The following IGSF5 variants were observed in gnomAD, a reference collection of about 807,000 sequenced individuals.
IGSF5 encodes immunoglobulin superfamily member 5.
IGSF5 carries 41 observed loss-of-function variants against 39.4 expected under a neutral mutation model. That is an observed-to-expected ratio of 1.04 (90% CI 0.81 to 1.35). IGSF5 has a LOEUF of 1.35. Ranked by LOEUF, IGSF5 falls within the 40% of genes most tolerant of loss-of-function variation. The pLI is 0.00. For missense variants in IGSF5, 487 were observed against 494.6 expected (o/e 0.98, Z 0.15); for synonymous variants, 183 against 175.3 (o/e 1.04, Z -0.34).
chr21:39,720,232 A>G, the IGSF5 span, among the ~76,000 whole-genome samples: 1 of 152,318 alleles, frequency 6.6e-6, no homozygotes, highest in East Asian at 1.9e-4. Context: ...AATAGGGTTC[A>G]CACTTCTATG....
At chr21:39,768,735 C>A (rs1028390700) in intron 3 of IGSF5, among the ~76,000 whole-genome samples, 1 of 152,234 alleles carries the variant, frequency 6.6e-6, no homozygotes, top group African/African-American at 2.4e-5. Context: ...TTTCTCCACT[C>A]CTTGTTGCAT....
At position 39,779,167 on chromosome 21, in the gene IGSF5, A is replaced by G; in HGVS notation, c.796A>G (p.Lys266Glu). The G allele has an allele frequency of 6.2e-7, 1 of 1,614,110 alleles. No homozygotes were observed. The highest frequency in any genetic ancestry group is 2.2e-5 in the East Asian group (1 of 44,880). ...SLGFSLPTWG[K>E]VGLGLAGTML... is the part of the protein sequence containing the mutation. ...AGGTTTTTCATTGCCTACTTGGGGC[A>G]AAGTTGGACTTGGACTAGCAGGCAC... Residue 266 changes from lysine (K) to glutamate (E), a missense_variant, in exon 5 of 9, where the codon AAA (lysine) becomes GAA (glutamate). By Grantham distance (56) the Lys-to-Glu change is moderately conservative (BLOSUM62 1). Coordinates refer to ENST00000380588, the MANE Select transcript of IGSF5 (RefSeq NM_001080444.2).
the IGSF5 span, among the ~76,000 whole-genome samples, chr21:39,717,093 A>T: frequency 1.8e-4 from 28 of 152,254 alleles, no homozygotes; most frequent in African/African-American, 6.0e-4. Flanking sequence ...TATTTCTCTC[A>T]TGATCAGTGA....
At chr21:39,795,024 T>G (rs1351199002) in intron 8 of IGSF5, among the ~76,000 whole-genome samples, 1 of 152,072 alleles carries the variant, frequency 6.6e-6, no homozygotes, top group African/African-American at 2.4e-5. Flanking sequence ...TTAATATTAG[T>G]GTCAACACAG....
At chr21:39,752,937 C>T (rs1365339138) in intron 2 of IGSF5, among the ~76,000 whole-genome samples, 1 of 152,094 alleles carries the variant, frequency 6.6e-6, no homozygotes, top group Non-Finnish European at 1.5e-5. Context: ...ATATTTCCCC[C>T]CACTCTGTGG....
chr21:39,743,322 G>A (rs2146266510), upstream of IGSF5, among the ~76,000 whole-genome samples: 1 of 152,326 alleles, frequency 6.6e-6, no homozygotes, highest in South Asian at 2.1e-4. Context: ...TTTGGGGTTA[G>A]TGTCTGATTT....
At chr21:39,784,617 C>A (rs1478388608) in intron 5 of IGSF5, among the ~76,000 whole-genome samples, 1 of 150,014 alleles carries the variant, frequency 6.7e-6, no homozygotes, top group Non-Finnish European at 1.5e-5. Flanking sequence ...CCCACCCCTG[C>A]CCACCCCATT....
chr21:39,753,148 T>C (rs1040794937), intron 2 of IGSF5, among the ~76,000 whole-genome samples: 4 of 152,158 alleles, frequency 2.6e-5, no homozygotes, highest in African/African-American at 9.6e-5. Flanking sequence ...GTCTTTCATC[T>C]ATCTTGAGTT....
At chr21:39,799,202 T>A (rs543006451) in intron 8 of IGSF5, among the ~76,000 whole-genome samples, 10 of 152,318 alleles carry the variant, frequency 6.6e-5, no homozygotes, top group Admixed American at 3.3e-4. Context: ...GATGGGGCAG[T>A]CCTTGTTCTT....
At chr21:39,752,457 T>C (rs1489274121) in intron 2 of IGSF5, among the ~76,000 whole-genome samples, 4 of 152,250 alleles carry the variant, frequency 2.6e-5, no homozygotes, top group Non-Finnish European at 2.9e-5. Flanking sequence ...GCAATTGCAA[T>C]TGTGCTGCTA....
the IGSF5 span, among the ~76,000 whole-genome samples, chr21:39,734,132 T>C: frequency 2.6e-5 from 4 of 152,022 alleles, no homozygotes; most frequent in Non-Finnish European, 5.9e-5. Flanking sequence ...CAATACAAAG[T>C]TAAAAATGAT....
intron 2 of IGSF5, among the ~76,000 whole-genome samples, chr21:39,759,173 C>A (rs2080048102): frequency 6.6e-6 from 1 of 152,190 alleles, no homozygotes. Flanking sequence ...AAAATGGAAT[C>A]AAATAGAATG....
the IGSF5 span, among the ~76,000 whole-genome samples, chr21:39,739,037 C>T: frequency 2.6e-5 from 4 of 151,960 alleles, no homozygotes; most frequent in Non-Finnish European, 4.4e-5. Context: ...TACAGGAGCC[C>T]GCCACCACGC....
intron 6 of IGSF5, among the ~76,000 whole-genome samples, chr21:39,789,377 T>G (rs2086947169): frequency 6.6e-6 from 1 of 152,148 alleles, no homozygotes; most frequent in African/African-American, 2.4e-5. Context: ...GTTGCATGCT[T>G]TGTAGAATTT....
At chr21:39,771,493 A>G (rs2080114806) in intron 4 of IGSF5, among the ~76,000 whole-genome samples, 1 of 152,132 alleles carries the variant, frequency 6.6e-6, no homozygotes, top group Non-Finnish European at 1.5e-5. Context: ...AAGTTTGGAG[A>G]CAAATGCTTG....
the IGSF5 span, among the ~76,000 whole-genome samples, chr21:39,718,287 C>A: frequency 6.6e-6 from 1 of 152,150 alleles, no homozygotes. Context: ...ACCATGTCAT[C>A]TACAAAAAGA....
At chr21:39,759,730 G>C (rs144785419) in intron 2 of IGSF5, among the ~76,000 whole-genome samples, 145 of 152,084 alleles carry the variant, frequency 9.5e-4, no homozygotes, top group African/African-American at 3.3e-3. Flanking sequence ...AGCAGGGTGT[G>C]GTGGCACGCA....
chr21:39,748,488 A>G (rs1215034223), intron 2 of IGSF5, among the ~76,000 whole-genome samples: 1 of 151,464 alleles, frequency 6.6e-6, no homozygotes, highest in Non-Finnish European at 1.5e-5. Flanking sequence ...TTTTTGTGTT[A>G]TTAGTAGAGA....
intron 2 of IGSF5, among the ~76,000 whole-genome samples, chr21:39,760,450 A>G (rs961089710): frequency 6.6e-6 from 1 of 152,218 alleles, no homozygotes; most frequent in Non-Finnish European, 1.5e-5. Flanking sequence ...CGGTCACTGC[A>G]CATGTGAGAG....
Sources: gnomAD v4.1 joint callset for allele counts (sites outside exome capture counted in the v4.1 genomes callset) on GRCh38, gnomAD v4.1.1 for gene constraint, MANE v1.5 for transcripts, NCBI Gene and HGNC (gene_info 2026-07-23, HGNC 2026-07-21) for gene names.